The following UMAD1 variants were observed in gnomAD, a reference collection of about 807,000 sequenced individuals.
The protein encoded by UMAD1 is UBAP1-MVB12-associated (UMA) domain containing 1.
UMAD1 carries 8 observed loss-of-function variants against 6.1 expected under a neutral mutation model. That is an observed-to-expected ratio of 1.30 (90% CI 0.76 to 2.35). The LOEUF is 2.35. Ranked by LOEUF, UMAD1 falls within the 30% of genes most tolerant of loss-of-function variation. The pLI, the probability that UMAD1 is intolerant of heterozygous loss-of-function variation, is 0.00. For synonymous variants in UMAD1, 56 were observed against 31.4 expected (o/e 1.78, Z -2.61); for missense variants, 130 against 78.4 (o/e 1.66, Z -2.49).
At chr7:7,723,398 T>C (rs1267247638) in intron 2 of UMAD1, among the ~76,000 whole-genome samples, 1 of 152,316 alleles carries the variant, frequency 6.6e-6, no homozygotes, top group Non-Finnish European at 1.5e-5. Context: ...TGTAGTTTAT[T>C]TGCTTGATTA....
chr7:7,670,602 C>T (rs549833102), intron 1 of UMAD1, among the ~76,000 whole-genome samples: 1 of 152,144 alleles, frequency 6.6e-6, no homozygotes, highest in Non-Finnish European at 1.5e-5. Context: ...TCTCATTGCC[C>T]CATTCAGATA....
At chr7:7,787,149 A>T (rs1040003300) in intron 2 of UMAD1, among the ~76,000 whole-genome samples, 5 of 152,188 alleles carry the variant, frequency 3.3e-5, no homozygotes, top group Admixed American at 6.5e-5. Flanking sequence ...TATGATGGGG[A>T]TTTAATGAAG....
At chr7:7,786,882 G>A (rs554164384) in intron 2 of UMAD1, among the ~76,000 whole-genome samples, 7 of 152,308 alleles carry the variant, frequency 4.6e-5, no homozygotes, top group African/African-American at 1.7e-4. Flanking sequence ...GAAGAGAAGG[G>A]ATTTGACTGA....
intron 2 of UMAD1, among the ~76,000 whole-genome samples, chr7:7,685,495 G>T (rs140422214): frequency 6.6e-6 from 1 of 152,014 alleles, no homozygotes; most frequent in Non-Finnish European, 1.5e-5. Flanking sequence ...TTTTAGTAGA[G>T]AAGGAGTTTC....
At chr7:7,713,861 C>G (rs949659181) in intron 2 of UMAD1, among the ~76,000 whole-genome samples, 10 of 152,124 alleles carry the variant, frequency 6.6e-5, no homozygotes, top group African/African-American at 2.4e-4. Context: ...GGCAGGGTCT[C>G]ACTCTGTCAC....
At chr7:7,682,266 A>G (rs147084895) in intron 2 of UMAD1, among the ~76,000 whole-genome samples, 1 of 152,296 alleles carries the variant, frequency 6.6e-6, no homozygotes, top group African/African-American at 2.4e-5. Flanking sequence ...TTCACCTTTT[A>G]AAATACTTAA....
intron 2 of UMAD1, among the ~76,000 whole-genome samples, chr7:7,786,936 C>T (rs1388798814): frequency 2.6e-5 from 4 of 152,164 alleles, no homozygotes; most frequent in African/African-American, 7.2e-5. Context: ...GACAACTTTG[C>T]GTAAAACAGC....
At chr7:7,689,082 C>T (rs1206536171) in intron 2 of UMAD1, among the ~76,000 whole-genome samples, 1 of 152,110 alleles carries the variant, frequency 6.6e-6, no homozygotes, top group African/African-American at 2.4e-5. Flanking sequence ...TTTAGGAGAG[C>T]CAACCTTATT....
intron 2 of UMAD1, among the ~76,000 whole-genome samples, chr7:7,742,891 A>G (rs1475171484): frequency 6.6e-6 from 1 of 152,192 alleles, no homozygotes; most frequent in Non-Finnish European, 1.5e-5. Flanking sequence ...AAAGTGCTGT[A>G]TGTTCAAAAT....
intron 2 of UMAD1, among the ~76,000 whole-genome samples, chr7:7,774,426 G>A (rs1782160758): frequency 6.6e-6 from 1 of 152,134 alleles, no homozygotes; most frequent in Non-Finnish European, 1.5e-5. Context: ...TTGTGGGAAA[G>A]CCATTCCCTC....
At chr7:7,848,155 A>G (rs1783846231) in intron 3 of UMAD1, among the ~76,000 whole-genome samples, 1 of 152,200 alleles carries the variant, frequency 6.6e-6, no homozygotes. Flanking sequence ...CAACTACAGT[A>G]TAACCTGTTT....
chr7:7,791,956 G>C (rs1449005907), intron 2 of UMAD1, among the ~76,000 whole-genome samples: 2 of 152,164 alleles, frequency 1.3e-5, no homozygotes, highest in Non-Finnish European at 2.9e-5. Context: ...TGAACTCTTA[G>C]TTTGAAACTT....
chr7:7,742,642 T>A (rs938277990), intron 2 of UMAD1: 11 of 333,532 alleles, frequency 3.3e-5, no homozygotes, highest in Non-Finnish European at 1.8e-5. Flanking sequence ...AGAACCATAA[T>A]TTTCAAGTGA....
intron 2 of UMAD1, among the ~76,000 whole-genome samples, chr7:7,720,935 T>G (rs947368693): frequency 2.0e-5 from 3 of 152,186 alleles, no homozygotes; most frequent in Non-Finnish European, 4.4e-5. Context: ...TAAGATGAGG[T>G]CATACTCATT....
At chr7:7,857,129 G>A (rs1477693496) in intron 3 of UMAD1, among the ~76,000 whole-genome samples, 3 of 152,094 alleles carry the variant, frequency 2.0e-5, no homozygotes, top group Non-Finnish European at 2.9e-5. Flanking sequence ...ATACACACGG[G>A]TCTTTTAAAA....
At chr7:7,718,986 A>G (rs986509158) in intron 2 of UMAD1, among the ~76,000 whole-genome samples, 4 of 151,880 alleles carry the variant, frequency 2.6e-5, no homozygotes, top group Non-Finnish European at 5.9e-5. Flanking sequence ...TTGCTCATAT[A>G]TTTAATTCCA....
chr7:7,789,191 T>C (rs542257963), intron 2 of UMAD1, among the ~76,000 whole-genome samples: 1 of 152,322 alleles, frequency 6.6e-6, no homozygotes, highest in East Asian at 1.9e-4. Flanking sequence ...CAAGGCATAG[T>C]AGCTGGGCAG....
At chr7:7,808,148 A>C (rs1782954980) in intron 3 of UMAD1, among the ~76,000 whole-genome samples, 1 of 152,000 alleles carries the variant, frequency 6.6e-6, no homozygotes, top group South Asian at 2.1e-4. Flanking sequence ...TTGAGGGAAG[A>C]GTTACAATTC....
At chr7:7,671,779 C>T (rs1426880362) in intron 1 of UMAD1, among the ~76,000 whole-genome samples, 1 of 152,014 alleles carries the variant, frequency 6.6e-6, no homozygotes, top group Non-Finnish European at 1.5e-5. Flanking sequence ...TCCTTGCTCT[C>T]TATAGAGAGT....
Sources: allele counts gnomAD v4.1 joint callset (sites outside exome capture counted in the v4.1 genomes callset), GRCh38; gene constraint gnomAD v4.1.1; transcripts MANE v1.5; gene names NCBI Gene and HGNC (gene_info 2026-07-23, HGNC 2026-07-21).